Variants in AMBRA1 observed in about 807,000 individuals in gnomAD.
AMBRA1 encodes the protein activating molecule in BECN1-regulated autophagy protein 1.
Under a neutral mutation model 125.4 loss-of-function variants are expected in AMBRA1, and 47 were observed. That is an observed-to-expected ratio of 0.37 (90% confidence interval 0.30 to 0.48). AMBRA1 has a LOEUF of 0.48. Among genes scored for constraint, AMBRA1 ranks in the 20% least tolerant of loss-of-function variants. AMBRA1 has a pLI of 0.99. For missense variants in AMBRA1, 1,331 were observed against 1,693.4 expected, an observed-to-expected ratio of 0.79 and a Z score of 3.76; for synonymous variants, 626 against 655.5, an observed-to-expected ratio of 0.95 and a Z score of 0.69.
rs1298946677 is a variant in AMBRA1, at chr11:46,542,378, G to A, written c.1639C>T (p.His547Tyr). The A allele has an allele frequency of 6.2e-7, 1 of 1,614,116 alleles. No individual in the cohort carries two copies. ...TCACTGCTGTGTGGGGTGGGCTGGTGGGAAGGGCCTGGCCTCTCAGATTCA... is the reference window on the plus strand; with the variant it reads ...TCACTGCTGTGTGGGGTGGGCTGGTAGGAAGGGCCTGGCCTCTCAGATTCA... The part of the protein sequence containing the change: ...NIESERPGPS[H>Y]QPTPHSSENN... Residue 547 changes from histidine (H) to tyrosine (Y), a missense_variant, in exon 7 of 18, where the codon CAC (histidine) becomes TAC (tyrosine). This residue lies in a region of AMBRA1 where 689 missense variants were observed against 776.5 expected (regional missense o/e 0.89). Coordinates refer to ENST00000683756, the MANE Select transcript of AMBRA1 (RefSeq NM_001387011.1). This position sits in a 1 kb window ranked among gnomAD's most constrained non-coding sequence, Gnocchi z 5.9.
chr11:46,504,262 A>G (rs1357436621), intron 9 of AMBRA1, among the ~76,000 whole-genome samples: 6 of 152,228 alleles, frequency 3.9e-5, no homozygotes, highest in Admixed American at 1.3e-4. Flanking sequence ...CATAGCTGGA[A>G]TAATTGTCAT....
intron 9 of AMBRA1, among the ~76,000 whole-genome samples, chr11:46,500,083 T>C (rs1950777129): frequency 6.6e-6 from 1 of 152,142 alleles, no homozygotes; most frequent in South Asian, 2.1e-4. Flanking sequence ...AGGGGCCGGC[T>C]CAAGATCAGA....
intron 1 of AMBRA1, among the ~76,000 whole-genome samples, chr11:46,582,953 G>T (rs976676023): frequency 1.3e-5 from 2 of 150,144 alleles, no homozygotes; most frequent in East Asian, 3.9e-4. Flanking sequence ...AAAAGCCATA[G>T]TACATAATAC....
chr11:46,500,877 G>A (rs1009002110), intron 9 of AMBRA1, among the ~76,000 whole-genome samples: 4 of 152,048 alleles, frequency 2.6e-5, no homozygotes, highest in African/African-American at 9.7e-5. Flanking sequence ...GTATTTTAGT[G>A]GTAACTTATT....
chr11:46,533,474 T>C (rs762713834), intron 7 of AMBRA1, among the ~76,000 whole-genome samples: 2 of 152,144 alleles, frequency 1.3e-5, no homozygotes, highest in African/African-American at 2.4e-5. Context: ...TGTTTGGAGG[T>C]TGGGGAAGAG....
chr11:46,571,617 G>C (rs2043758429), intron 1 of AMBRA1, among the ~76,000 whole-genome samples: 2 of 151,418 alleles, frequency 1.3e-5, no homozygotes. Flanking sequence ...CAAGGCTGCA[G>C]TAAGCCATGG....
At chr11:46,580,795 GTTA>G (rs1224388031) in intron 1 of AMBRA1, among the ~76,000 whole-genome samples, 1 of 152,014 alleles carries the variant, frequency 6.6e-6, no homozygotes, top group Non-Finnish European at 1.5e-5. Context: ...TGTTGCTGTT[GTTA>G]TTGTTGTTTT....
chr11:46,469,509 C>T (rs1949481789), intron 11 of AMBRA1, among the ~76,000 whole-genome samples: 1 of 151,764 alleles, frequency 6.6e-6, no homozygotes, highest in Non-Finnish European at 1.5e-5. Context: ...ATATGTACAC[C>T]TATTATATGT....
Position 46,397,341 on chromosome 11 carries a change from T to C in AMBRA1, c.*109A>G. 1 of 1,372,102 alleles carries C rather than the reference T, an allele frequency of 7.3e-7. No homozygotes were observed. Among genetic ancestry groups the C allele is most frequent in the South Asian group, 2.1e-5 (1 of 48,304 alleles). The allele number at this position is 1,372,102 out of a possible 1,614,324, so 85.0% of individuals were successfully genotyped here. On this transcript the variant is annotated 3_prime_UTR_variant, in exon 18 of 18. Coordinates refer to ENST00000683756, the MANE Select transcript of AMBRA1 (RefSeq NM_001387011.1). ...TCCACCCTGACCCTCTTCCTCCTCCTGTTCCCTGATGCAGCCAGCAGCTCT... is the reference window on the plus strand; with the variant it reads ...TCCACCCTGACCCTCTTCCTCCTCCCGTTCCCTGATGCAGCCAGCAGCTCT...
chr11:46,562,583 T>G (rs1199082657), intron 1 of AMBRA1, among the ~76,000 whole-genome samples: 1 of 152,214 alleles, frequency 6.6e-6, no homozygotes, highest in Non-Finnish European at 1.5e-5. Context: ...TCCTAAGTTT[T>G]GGGCCTAAGT....
intron 1 of AMBRA1, among the ~76,000 whole-genome samples, chr11:46,566,634 T>C (rs777625145): frequency 2.0e-5 from 3 of 152,130 alleles, no homozygotes; most frequent in Non-Finnish European, 2.9e-5. Context: ...GAAGGCATTC[T>C]CCCTGGATCT....
At chr11:46,573,135 TG>T (rs899421285) in intron 1 of AMBRA1, among the ~76,000 whole-genome samples, 1 of 149,886 alleles carries the variant, frequency 6.7e-6, no homozygotes, top group African/African-American at 2.5e-5. Flanking sequence ...CCAGGCATGG[TG>T]GCTCATGCCT....
intron 7 of AMBRA1, among the ~76,000 whole-genome samples, chr11:46,538,565 C>G (rs754252108): frequency 2.6e-5 from 4 of 152,126 alleles, no homozygotes; most frequent in Non-Finnish European, 5.9e-5. Context: ...GCAATCTCGG[C>G]TCACTGCAAC....
Position 46,593,931 on chromosome 11 carries a change from C to T in AMBRA1, c.-224G>A, listed in dbSNP as rs566322962. On this transcript the variant is annotated 5_prime_UTR_variant, in exon 1 of 18. Transcript: ENST00000683756. ...TAAAGGAAGGGGTCCGTTCTACCGA[C>T]CGGCAGGAGAAGGCGGCTTGAGCGC... 1.8e-4 allele frequency: 73 copies of T among 398,654 alleles called. No homozygotes were observed. In the South Asian group the frequency reaches 2.9e-3, roughly 16 times the overall value. 24.7% of individuals were successfully genotyped at this position (398,654 alleles called of 1,614,324 possible).
At position 46,542,011 on chromosome 11, in the gene AMBRA1, GTTCCA is replaced by G; in HGVS notation, c.2001_2005del (p.Gly668CysfsTer12). On this transcript the variant is annotated frameshift_variant, in exon 7 of 18. Coordinates refer to ENST00000683756, the MANE Select transcript of AMBRA1 (RefSeq NM_001387011.1). LOFTEE classifies it high-confidence loss of function. The surrounding 1 kb of genome is among the most constrained non-coding windows in gnomAD (Gnocchi z 5.9). ...CTGATGTAAGGCCTCCTGTGACACA[GTTCCA>G]GATCTGCTGGACTGGGTGTAAATTC... is the stretch of plus-strand genomic sequence containing the variant. 1 of 1,614,106 alleles carries G rather than the reference GTTCCA, an allele frequency of 6.2e-7. No homozygotes were observed. Among genetic ancestry groups the G allele is most frequent in the Non-Finnish European group, 8.5e-7 (1 of 1,179,992 alleles).
chr11:46,512,644 C>A, intron 8 of AMBRA1, 83 bp downstream of exon 8: 4 of 1,073,354 alleles, frequency 3.7e-6, no homozygotes, highest in Admixed American at 4.1e-5. Flanking sequence ...ACCAGAGAGG[C>A]ACAGAACGGA....
At chr11:46,441,835 T>G (rs574908135) in intron 12 of AMBRA1, among the ~76,000 whole-genome samples, 2 of 151,966 alleles carry the variant, frequency 1.3e-5, no homozygotes, top group African/African-American at 4.8e-5. Flanking sequence ...AATGGCAGCT[T>G]AGTTTAAATA....
chr11:46,519,071 T>C (rs1951643896), intron 7 of AMBRA1, among the ~76,000 whole-genome samples: 1 of 152,246 alleles, frequency 6.6e-6, no homozygotes, highest in African/African-American at 2.4e-5. Flanking sequence ...TCACCCAGGC[T>C]GGAGTACAGT....
intron 11 of AMBRA1, among the ~76,000 whole-genome samples, chr11:46,446,841 C>A (rs1389942572): frequency 6.6e-6 from 1 of 152,206 alleles, no homozygotes; most frequent in Non-Finnish European, 1.5e-5. Flanking sequence ...ACAAGTGATG[C>A]TGTTATAGTC....
Sources: allele counts gnomAD v4.1 joint callset (sites outside exome capture counted in the v4.1 genomes callset), GRCh38; gene constraint gnomAD v4.1.1; regional missense constraint gnomAD v4.1.1; non-coding constraint Gnocchi (gnomAD v3.1); transcripts MANE v1.5; gene names NCBI Gene and HGNC (gene_info 2026-07-23, HGNC 2026-07-21).